The following ITPR2 variants were observed in gnomAD, a reference collection of about 807,000 sequenced individuals.
The protein encoded by ITPR2 is inositol 1,4,5-trisphosphate receptor type 2.
A neutral mutation model predicts 317.1 loss-of-function variants in ITPR2; 207 were observed. That is an observed-to-expected ratio of 0.65 (90% confidence interval 0.58 to 0.73). The LOEUF (loss-of-function observed/expected upper bound fraction) is 0.73, where lower values mean the gene tolerates loss of function less well. Ranked by LOEUF, ITPR2 falls within the 30% of genes least tolerant of loss-of-function variation. The probability of loss-of-function intolerance (pLI) is 0.00; values close to 1 mark genes in which losing one functional copy is unlikely to be tolerated. For synonymous variants in ITPR2, 1,156 were observed against 1,149.1 expected (o/e 1.01, Z -0.12); for missense variants, 2,613 against 3,284.0 (o/e 0.80, Z 4.99).
chr12:26,509,958 T>TTTTGTGTG (rs1247091708), intron 37 of ITPR2, among the ~76,000 whole-genome samples: 13 of 53,256 alleles, frequency 2.4e-4, no homozygotes, highest in East Asian at 1.2e-3. Flanking sequence ...GATAAGGGTT[T>TTTTGTGTG]TGTGTGTGTG....
At chr12:26,724,631 A>C in intron 4 of ITPR2, 25 bp downstream of exon 4, 1 of 1,409,596 alleles carries the variant, frequency 7.1e-7, no homozygotes, top group Non-Finnish European at 1.0e-6. Flanking sequence ...TAAAATACTC[A>C]CCTCGTTTAA....
intron 31 of ITPR2, 118 bp downstream of exon 31, chr12:26,596,765 C>A (rs746411826): frequency 2.1e-4 from 157 of 752,816 alleles, no homozygotes; most frequent in Middle Eastern, 3.4e-4. Flanking sequence ...AAATACAATT[C>A]CCTGACTAAA....
chr12:26,598,463 T>C (rs890831483), intron 30 of ITPR2, among the ~76,000 whole-genome samples: 5 of 152,158 alleles, frequency 3.3e-5, no homozygotes, highest in African/African-American at 4.8e-5. Context: ...AGAGAACCAT[T>C]TGGTCACAGA....
At chr12:26,832,138 G>A (rs927968640) in intron 1 of ITPR2, among the ~76,000 whole-genome samples, 5 of 152,010 alleles carry the variant, frequency 3.3e-5, no homozygotes, top group Non-Finnish European at 7.4e-5. Context: ...GTCCTGGTTC[G>A]GCAAGGCCAA....
At chr12:26,812,056 G>A (rs182430167) in intron 1 of ITPR2, among the ~76,000 whole-genome samples, 46 of 145,966 alleles carry the variant, frequency 3.2e-4, no homozygotes, top group Non-Finnish European at 5.3e-4. Context: ...CCTGCTACTC[G>A]GGAGGCTGAG....
In ITPR2 at chr12:26,494,207, T is replaced by C; in HGVS notation, c.5316A>G (p.Ser1772=). 2 of 1,613,252 alleles carry C rather than the reference T, an allele frequency of 1.2e-6. No individual in the cohort carries two copies. Among genetic ancestry groups the C allele is most frequent in the Non-Finnish European group, 1.7e-6 (2 of 1,179,622 alleles). Residue 1772 remains serine, a synonymous_variant, in exon 39 of 57, where the codon TCA becomes TCG. Transcript: ENST00000381340. ...IVNTKNDRIF[S]EGIFLGIALL... ...AGGCAATGCCGAGGAAAATGCCTTCTGAAAAAATTCTGTCATTTTTGGTGT... is the reference window on the plus strand; with the variant it reads ...AGGCAATGCCGAGGAAAATGCCTTCCGAAAAAATTCTGTCATTTTTGGTGT...
At chr12:26,519,386 A>T (rs993401648) in intron 37 of ITPR2, among the ~76,000 whole-genome samples, 7 of 152,214 alleles carry the variant, frequency 4.6e-5, no homozygotes, top group Non-Finnish European at 1.0e-4. Context: ...TAGAAAGCTT[A>T]TAGAAATATA....
intron 1 of ITPR2, among the ~76,000 whole-genome samples, chr12:26,813,484 T>C (rs938635942): frequency 1.3e-5 from 2 of 152,352 alleles, no homozygotes; most frequent in South Asian, 4.1e-4. Flanking sequence ...CAAAGTTCTG[T>C]GATTCTGAAT....
At chr12:26,745,444 T>C (rs1949303669) in intron 2 of ITPR2, among the ~76,000 whole-genome samples, 1 of 152,222 alleles carries the variant, frequency 6.6e-6, no homozygotes, top group Non-Finnish European at 1.5e-5. Flanking sequence ...ATTACAGGAT[T>C]ATTTTTCTAT....
intron 37 of ITPR2, among the ~76,000 whole-genome samples, chr12:26,507,863 C>CTCTCTGTGTGTGTGTGTGTGTGTG (rs372756412): frequency 2.3e-5 from 3 of 132,202 alleles, no homozygotes; most frequent in African/African-American, 8.3e-5. Flanking sequence ...CTCTCTGTCT[C>CTCTCTGTGTGTGTGTGTGTGTGTG]TGTGTGTGTG....
At chr12:26,379,911 A>T (rs1939455512) in intron 55 of ITPR2, among the ~76,000 whole-genome samples, 1 of 152,248 alleles carries the variant, frequency 6.6e-6, no homozygotes, top group Non-Finnish European at 1.5e-5. Context: ...AACACTGATT[A>T]GAAAAGCTAA....
At chr12:26,753,163 C>T (rs563111568) in intron 2 of ITPR2, among the ~76,000 whole-genome samples, 1 of 152,214 alleles carries the variant, frequency 6.6e-6, no homozygotes, top group East Asian at 1.9e-4. Flanking sequence ...TAATAAAAGG[C>T]AAGGACACTT....
At chr12:26,663,129 G>A (rs540872605) in intron 15 of ITPR2, among the ~76,000 whole-genome samples, 4 of 152,218 alleles carry the variant, frequency 2.6e-5, no homozygotes, top group African/African-American at 9.6e-5. Flanking sequence ...TCACTTCATA[G>A]ATCTCTCTTC....
intron 55 of ITPR2, among the ~76,000 whole-genome samples, chr12:26,348,063 T>C (rs776397169): frequency 5.3e-5 from 8 of 152,264 alleles, no homozygotes; most frequent in Non-Finnish European, 1.2e-4. Context: ...ATGTTTATAC[T>C]GCATTTTCCA....
intron 37 of ITPR2, among the ~76,000 whole-genome samples, chr12:26,520,839 T>A (rs12369646): frequency 6.6e-6 from 1 of 151,988 alleles, no homozygotes; most frequent in Non-Finnish European, 1.5e-5. Flanking sequence ...ATGAATTTGA[T>A]TGATTAGATA....
At chr12:26,624,165 G>C in intron 24 of ITPR2, 134 bp downstream of exon 24, 1 of 614,486 alleles carries the variant, frequency 1.6e-6, no homozygotes. Context: ...CTTCATTTCT[G>C]GCAGAAATTA....
intron 9 of ITPR2, among the ~76,000 whole-genome samples, chr12:26,696,382 A>AC (rs1279928400): frequency 1.3e-5 from 2 of 152,156 alleles, no homozygotes; most frequent in Non-Finnish European, 2.9e-5. Flanking sequence ...TGTCCAATTG[A>AC]ATTTAATCAT....
At chr12:26,598,198 G>A (rs1260889973) in intron 30 of ITPR2, among the ~76,000 whole-genome samples, 2 of 152,030 alleles carry the variant, frequency 1.3e-5, no homozygotes, top group Non-Finnish European at 2.9e-5. Context: ...AGAAAAAGGT[G>A]CATTTTACAA....
At chr12:26,736,673 T>C (rs1949123428) in intron 2 of ITPR2, among the ~76,000 whole-genome samples, 1 of 152,154 alleles carries the variant, frequency 6.6e-6, no homozygotes, top group African/African-American at 2.4e-5. Context: ...ATGTCCTGGT[T>C]TGGGTGATAA....
Sources: allele counts gnomAD v4.1 joint callset (sites outside exome capture counted in the v4.1 genomes callset), GRCh38; gene constraint gnomAD v4.1.1; transcripts MANE v1.5; gene names NCBI Gene and HGNC (gene_info 2026-07-23, HGNC 2026-07-21).